The following EIF3L variants were observed in gnomAD, a reference collection of about 807,000 sequenced individuals.
The protein encoded by EIF3L is eIEF associated protein HSPC021.
Under a neutral mutation model 74.6 loss-of-function variants are expected in EIF3L, and 32 were observed. That is an observed-to-expected ratio of 0.43 (90% CI 0.32 to 0.58). EIF3L has a LOEUF of 0.58. Among genes scored for constraint, EIF3L ranks in the 20% least tolerant of loss-of-function variants. The probability of loss-of-function intolerance (pLI) is 0.06; values close to 1 mark genes in which losing one functional copy is unlikely to be tolerated. For missense variants in EIF3L, 474 were observed against 707.8 expected, an observed-to-expected ratio of 0.67 and a Z score of 3.75; for synonymous variants, 256 against 254.4, an observed-to-expected ratio of 1.01 and a Z score of -0.06.
At chr22:37,863,567 C>T (rs1474713408) in intron 7 of EIF3L, among the ~76,000 whole-genome samples, 1 of 152,128 alleles carries the variant, frequency 6.6e-6, no homozygotes, top group Non-Finnish European at 1.5e-5. Flanking sequence ...AGCTCCTGAC[C>T]TTCATCAAGC....
chr22:37,886,213 G>A (rs1927311316), intron 11 of EIF3L: 1 of 143,102 alleles, frequency 7.0e-6, no homozygotes, highest in African/African-American at 2.6e-5. Flanking sequence ...AAAAAGACTA[G>A]AAAATAAAAG....
chr22:37,864,071 A>G (rs1010033904), intron 7 of EIF3L, among the ~76,000 whole-genome samples: 1 of 152,148 alleles, frequency 6.6e-6, no homozygotes, highest in Non-Finnish European at 1.5e-5. Context: ...CTCAAAAAAA[A>G]AAAAGAAAGA....
intron 11 of EIF3L, chr22:37,883,296 CA>C (rs111310614): frequency 0.019 from 723 of 38,464 alleles, 2 homozygotes; most frequent in East Asian, 0.08. Flanking sequence ...AACTCCGTCT[CA>C]AAAAAAAAAA....
At chr22:37,882,622 A>T (rs1354338083) in intron 11 of EIF3L, 1 of 152,162 alleles carries the variant, frequency 6.6e-6, no homozygotes, top group Non-Finnish European at 1.5e-5. Context: ...AGCTGCAGTG[A>T]GCCGAGATTG....
At chr22:37,865,516 C>T (rs1049812928) in intron 7 of EIF3L, among the ~76,000 whole-genome samples, 2 of 152,102 alleles carry the variant, frequency 1.3e-5, no homozygotes, top group Admixed American at 6.6e-5. Flanking sequence ...TTCTTTTCCC[C>T]CTTTTTGTGC....
At chr22:37,876,436 G>T (rs1178402618) in intron 10 of EIF3L, 1 of 153,730 alleles carries the variant, frequency 6.5e-6, no homozygotes, top group Non-Finnish European at 1.4e-5. Flanking sequence ...GAGTAGCTGG[G>T]ACTACAGACG....
chr22:37,851,278 A>T lies in EIF3L; in HGVS notation c.83-2A>T, dbSNP rs760681663. 6.2e-7 allele frequency: 1 copy of T among 1,613,626 alleles called. No individual in the cohort carries two copies. Among genetic ancestry groups the T allele is most frequent in the South Asian group, 1.1e-5 (1 of 91,062 alleles). On this transcript the variant is annotated splice_acceptor_variant, in intron 2 of 12. Coordinates refer to ENST00000652021, the MANE Select transcript of EIF3L (RefSeq NM_016091.4). LOFTEE classifies it high-confidence loss of function. The stretch of plus-strand genomic sequence containing the variant: ...TCTGTATTTGTTGTATCCAACCTCC[A>T]GGAGATCCAAAGCAGGACCTTGCTT...
intron 5 of EIF3L, among the ~76,000 whole-genome samples, chr22:37,860,767 G>C (rs933194599): frequency 1.3e-5 from 2 of 152,196 alleles, no homozygotes; most frequent in African/African-American, 4.8e-5. Flanking sequence ...TACTGCAGGA[G>C]CTGCTTACCT....
At chr22:37,875,479 A>G (rs1041230970) in intron 9 of EIF3L, among the ~76,000 whole-genome samples, 6 of 152,162 alleles carry the variant, frequency 3.9e-5, no homozygotes, top group African/African-American at 1.4e-4. Flanking sequence ...AAAATATTAC[A>G]GATAATTTTT....
At chr22:37,855,147 T>A in intron 3 of EIF3L, among the ~76,000 whole-genome samples, 1 of 152,176 alleles carries the variant, frequency 6.6e-6, no homozygotes, top group East Asian at 1.9e-4. Context: ...AATTGGATGC[T>A]GTAGGTCTGT....
intron 3 of EIF3L, among the ~76,000 whole-genome samples, chr22:37,853,589 A>G (rs1005048670): frequency 3.3e-5 from 5 of 152,178 alleles, no homozygotes; most frequent in African/African-American, 1.2e-4. Flanking sequence ...GAGCTGCACA[A>G]TGGAGCGAGA....
intron 7 of EIF3L, among the ~76,000 whole-genome samples, chr22:37,869,359 G>A (rs573536091): frequency 2.0e-5 from 3 of 152,048 alleles, no homozygotes; most frequent in East Asian, 3.9e-4. Context: ...TTGAGCTCCT[G>A]GACCCAAGTG....
intron 8 of EIF3L, among the ~76,000 whole-genome samples, chr22:37,870,885 G>T (rs1206614720): frequency 6.6e-6 from 1 of 152,124 alleles, no homozygotes; most frequent in Non-Finnish European, 1.5e-5. Flanking sequence ...AGCACTTTGG[G>T]AGGCTTAGGC....
chr22:37,852,883 C>A (rs959748116), intron 3 of EIF3L, among the ~76,000 whole-genome samples: 1 of 152,034 alleles, frequency 6.6e-6, no homozygotes, highest in Non-Finnish European at 1.5e-5. Context: ...AAACCTTGTT[C>A]GGAGGTTGAA....
intron 8 of EIF3L, 60 bp downstream of exon 8, chr22:37,870,407 C>G: frequency 6.7e-7 from 1 of 1,489,860 alleles, no homozygotes; most frequent in African/African-American, 1.4e-5. Flanking sequence ...CCATCTGTTC[C>G]AAATGAATAG....
intron 3 of EIF3L, among the ~76,000 whole-genome samples, chr22:37,854,530 C>T (rs1291845750): frequency 6.6e-6 from 1 of 152,204 alleles, no homozygotes; most frequent in Non-Finnish European, 1.5e-5. Flanking sequence ...TGCAATGGCG[C>T]AATCTCAGCT....
intron 7 of EIF3L, among the ~76,000 whole-genome samples, chr22:37,864,380 C>G (rs761851252): frequency 6.6e-6 from 1 of 152,000 alleles, no homozygotes; most frequent in Non-Finnish European, 1.5e-5. Context: ...AGTGTATGCT[C>G]GATCAGAATA....
chr22:37,855,988 A>G (rs1925480439), intron 4 of EIF3L, among the ~76,000 whole-genome samples: 1 of 152,070 alleles, frequency 6.6e-6, no homozygotes, highest in Non-Finnish European at 1.5e-5. Context: ...AGGCAAATCC[A>G]ACTTCATTAT....
At chr22:37,870,100 C>T (rs990472418) in intron 7 of EIF3L, 76 bp from the exon 8 acceptor site, 11 of 1,364,358 alleles carry the variant, frequency 8.1e-6, no homozygotes, top group African/African-American at 1.5e-5. Flanking sequence ...AGCATTGCCT[C>T]GTTTTCAGCA....
Sources: gnomAD v4.1 joint callset for allele counts (sites outside exome capture counted in the v4.1 genomes callset) on GRCh38, gnomAD v4.1.1 for gene constraint, MANE v1.5 for transcripts, NCBI Gene and HGNC (gene_info 2026-07-23, HGNC 2026-07-21) for gene names.